BCL2L13: variants seen among roughly 807,000 people sequenced by gnomAD.
BCL2L13 encodes the protein bcl-2-like protein 13.
Under a neutral mutation model 25.8 loss-of-function variants are expected in BCL2L13, and 13 were observed. That is an observed-to-expected ratio of 0.50 (90% confidence interval 0.33 to 0.80). The LOEUF is 0.80. Among genes scored for constraint, BCL2L13 ranks in the 30% least tolerant of loss-of-function variants. The pLI, the probability that BCL2L13 is intolerant of heterozygous loss-of-function variation, is 0.02. For missense variants in BCL2L13, 504 were observed against 574.9 expected, an observed-to-expected ratio of 0.88 and a Z score of 1.26; for synonymous variants, 244 against 230.3, an observed-to-expected ratio of 1.06 and a Z score of -0.54.
At chr22:17,693,029 G>A (rs1372115218) in intron 4 of BCL2L13, among the ~76,000 whole-genome samples, 1 of 152,022 alleles carries the variant, frequency 6.6e-6, no homozygotes, top group African/African-American at 2.4e-5. Context: ...CATTGTCATG[G>A]CATGTGTCAG....
intron 4 of BCL2L13, among the ~76,000 whole-genome samples, chr22:17,693,376 T>TG (rs2060168654): frequency 1.3e-5 from 1 of 76,920 alleles, no homozygotes; most frequent in African/African-American, 5.4e-5. Context: ...GTGTTTGTTT[T>TG]TTTTTTTTTT....
In BCL2L13 at chr22:17,655,675, A is replaced by C. The variant is rs184553882; in HGVS notation, c.-37A>C. The C allele has an allele frequency of 1.2e-6, 2 of 1,602,776 alleles. No homozygotes were observed. The highest frequency in any genetic ancestry group is 2.3e-5 in the South Asian group (2 of 88,576). On this transcript the variant is annotated 5_prime_UTR_variant, in exon 2 of 7. Transcript: ENST00000317582. ...TTTTGTTCTTAGGTTTTACACATCC[A>C]TAAGTAGACCTTTTTGGAGCCTCAC...
At chr22:17,634,030 G>A (rs1363643279), upstream of BCL2L13, among the ~76,000 whole-genome samples, 1 of 151,880 alleles carries the variant, frequency 6.6e-6, no homozygotes, top group Admixed American at 6.6e-5. Context: ...TTTTCTGCTT[G>A]AGAAGTTATT....
chr22:17,664,541 C>T (rs1002091411), intron 2 of BCL2L13, among the ~76,000 whole-genome samples: 18 of 152,224 alleles, frequency 1.2e-4, no homozygotes, highest in Admixed American at 1.1e-3. Context: ...CTCACAGCTC[C>T]ACTAGGCAGT....
At chr22:17,662,254 G>A (rs888690179) in intron 2 of BCL2L13, among the ~76,000 whole-genome samples, 10 of 152,102 alleles carry the variant, frequency 6.6e-5, no homozygotes, top group African/African-American at 1.4e-4. Context: ...CAAGGCGGGC[G>A]GATCACGAGG....
At chr22:17,694,618 T>C (rs772538317) in intron 4 of BCL2L13, among the ~76,000 whole-genome samples, 8 of 152,328 alleles carry the variant, frequency 5.3e-5, no homozygotes, top group South Asian at 2.1e-4. Flanking sequence ...TTTTAGATTG[T>C]TTTTTCTTCC....
At chr22:17,695,096 C>T (rs971475125) in intron 4 of BCL2L13, among the ~76,000 whole-genome samples, 2 of 152,078 alleles carry the variant, frequency 1.3e-5, no homozygotes, top group Non-Finnish European at 2.9e-5. Context: ...AACACAGCCT[C>T]GTCTACCACC....
intron 2 of BCL2L13, among the ~76,000 whole-genome samples, chr22:17,661,186 G>A (rs1009834391): frequency 4.1e-5 from 6 of 145,446 alleles, no homozygotes; most frequent in African/African-American, 1.2e-4. Context: ...TCTGCCTCCC[G>A]GGTTCAAGCA....
intron 1 of BCL2L13, among the ~76,000 whole-genome samples, chr22:17,649,425 A>G (rs2058602375): frequency 6.6e-6 from 1 of 151,792 alleles, no homozygotes; most frequent in Admixed American, 6.6e-5. Context: ...ATTTATTCAA[A>G]ATGTAAATAC....
rs188525626 is a variant in BCL2L13 at position 17,714,120 on chromosome 22, C to T, written c.600+11734C>T. On this transcript the variant is annotated intron_variant, in intron 6 of 6. Coordinates refer to ENST00000317582, the MANE Select transcript of BCL2L13 (RefSeq NM_015367.4). ...CATCCTGGCTAACATGGTGAAACCC[C>T]GTCTCTACTAAAAATACAAAAAGTT... Among the ~76,000 whole-genome samples, 646 of 152,020 alleles carry T rather than the reference C, an allele frequency of 4.2e-3. 7 individuals are homozygous for T. The highest frequency in any genetic ancestry group is 0.015 in the African/African-American group (618 of 41,480).
intron 1 of BCL2L13, among the ~76,000 whole-genome samples, chr22:17,630,940 T>TA (rs2058001504): frequency 6.6e-6 from 1 of 152,024 alleles, no homozygotes; most frequent in Non-Finnish European, 1.5e-5. Flanking sequence ...AACCTTCTTA[T>TA]AACCTTACTT....
In BCL2L13 at chr22:17,630,803, G is replaced by T. The variant is rs191830037; in HGVS notation, c.-650+1798G>T. 2.0e-5 allele frequency among the ~76,000 whole-genome samples: 3 copies of T among 150,932 alleles called. No homozygotes were observed. The South Asian group carries it at 6.3e-4, about 32-fold the overall frequency. On this transcript the variant is annotated intron_variant, in intron 1 of 6. Coordinates refer to the BCL2L13 transcript ENST00000399782. ...ATGGGGTTTCAACACATTGGCCAGG[G>T]TGGTCTTGAACTCCCGACCTCAGGT...
intron 1 of BCL2L13, among the ~76,000 whole-genome samples, chr22:17,654,872 CT>C (rs1416788122): frequency 6.6e-6 from 1 of 151,960 alleles, no homozygotes; most frequent in East Asian, 1.9e-4. Context: ...TAGGCAGGCC[CT>C]ACCACGCCCA....
intron 2 of BCL2L13, among the ~76,000 whole-genome samples, chr22:17,663,997 C>T (rs140396027): frequency 2.8e-4 from 43 of 152,086 alleles, no homozygotes; most frequent in East Asian, 3.9e-4. Flanking sequence ...TACAGGCACG[C>T]GCCACCATGC....
chr22:17,684,749 T>G (rs2059861106), intron 3 of BCL2L13: 1 of 357,836 alleles, frequency 2.8e-6, no homozygotes, highest in African/African-American at 2.2e-5. Flanking sequence ...ATTTTTTTTT[T>G]TTTTGACAGA....
intron 6 of BCL2L13, among the ~76,000 whole-genome samples, chr22:17,710,171 A>G (rs1234982867): frequency 6.6e-6 from 1 of 151,572 alleles, no homozygotes; most frequent in Non-Finnish European, 1.5e-5. Flanking sequence ...TCTTTCTTGT[A>G]AGACTTCTTA....
chr22:17,708,015 T>A (rs1220920365), intron 6 of BCL2L13, among the ~76,000 whole-genome samples: 1 of 152,198 alleles, frequency 6.6e-6, no homozygotes, highest in African/African-American at 2.4e-5. Flanking sequence ...AGTAAAGTTA[T>A]GTTTGTATTT....
At chr22:17,682,192 A>C (rs1235773627) in intron 2 of BCL2L13, among the ~76,000 whole-genome samples, 1 of 152,196 alleles carries the variant, frequency 6.6e-6, no homozygotes, top group Non-Finnish European at 1.5e-5. Context: ...TAGTAGCAAA[A>C]TAGAATTAAC....
intron 3 of BCL2L13, among the ~76,000 whole-genome samples, chr22:17,687,136 A>G (rs1358849358): frequency 6.6e-6 from 1 of 152,194 alleles, no homozygotes; most frequent in Non-Finnish European, 1.5e-5. Flanking sequence ...GATTAATGCA[A>G]TAAATACTTA....
Sources: gnomAD v4.1 joint callset for allele counts (sites outside exome capture counted in the v4.1 genomes callset) on GRCh38, gnomAD v4.1.1 for gene constraint, MANE v1.5 for transcripts, NCBI Gene and HGNC (gene_info 2026-07-23, HGNC 2026-07-21) for gene names.